Variants in GNG12 observed in about 807,000 individuals in gnomAD.
GNG12 encodes the protein G protein subunit gamma 12, also known as guanine nucleotide-binding protein G(I)/G(S)/G(O) subunit gamma-12.
For missense variants in GNG12, 69 were observed against 83.8 expected (o/e 0.82, Z 0.69); for synonymous variants, 28 against 29.7 (o/e 0.94, Z 0.19).
chr1:67,739,364 C>T (rs1008703087), intron 2 of GNG12, among the ~76,000 whole-genome samples: 1 of 152,180 alleles, frequency 6.6e-6, no homozygotes, highest in African/African-American at 2.4e-5. Context: ...TCCTCTCCCT[C>T]AAGGTGATAT....
At chr1:67,730,498 C>T (rs1256606636) in intron 2 of GNG12, among the ~76,000 whole-genome samples, 1 of 152,052 alleles carries the variant, frequency 6.6e-6, no homozygotes, top group Non-Finnish European at 1.5e-5. Context: ...GAGCAAGACG[C>T]CACCCCCCAA....
At chr1:67,760,275 T>A (rs1471577651) in intron 2 of GNG12, among the ~76,000 whole-genome samples, 2 of 152,198 alleles carry the variant, frequency 1.3e-5, no homozygotes, top group African/African-American at 4.8e-5. Flanking sequence ...CCTGGGCAAC[T>A]CCCTGAGTTT....
At chr1:67,765,919 T>C (rs138582451) in intron 2 of GNG12, among the ~76,000 whole-genome samples, 3 of 152,156 alleles carry the variant, frequency 2.0e-5, no homozygotes, top group Admixed American at 2.0e-4. Flanking sequence ...AGACTAACAA[T>C]GATTTGTTGT....
intron 2 of GNG12, among the ~76,000 whole-genome samples, chr1:67,750,151 C>T (rs535438162): frequency 5.3e-5 from 8 of 152,324 alleles, no homozygotes; most frequent in South Asian, 2.1e-4. Flanking sequence ...GGTAATACCA[C>T]ATGCCATTTG....
intron 2 of GNG12, among the ~76,000 whole-genome samples, chr1:67,762,443 T>C (rs1646611086): frequency 6.6e-6 from 1 of 152,190 alleles, no homozygotes; most frequent in African/African-American, 2.4e-5. Context: ...ATCTCATTTA[T>C]AATCCTGCCC....
At chr1:67,731,904 G>A (rs966383602) in intron 2 of GNG12, among the ~76,000 whole-genome samples, 12 of 152,030 alleles carry the variant, frequency 7.9e-5, no homozygotes, top group African/African-American at 2.4e-4. Flanking sequence ...AACTTGACTT[G>A]GCCTAATGGA....
intron 1 of GNG12, among the ~76,000 whole-genome samples, chr1:67,790,491 A>G (rs1358493240): frequency 6.6e-6 from 1 of 152,204 alleles, no homozygotes; most frequent in Admixed American, 6.5e-5. Context: ...TCTATCTGTC[A>G]AATCAGCCAC....
intron 1 of GNG12, among the ~76,000 whole-genome samples, chr1:67,820,596 T>C (rs1192242342): frequency 6.6e-6 from 1 of 152,190 alleles, no homozygotes. Context: ...CAATGTGGTA[T>C]TACCAGAGGC....
chr1:67,738,637 C>T (rs994601066), intron 2 of GNG12, among the ~76,000 whole-genome samples: 2 of 152,180 alleles, frequency 1.3e-5, no homozygotes, highest in African/African-American at 4.8e-5. Flanking sequence ...AATCCCGGCA[C>T]TCTGGGAGGC....
At chr1:67,734,108 G>A (rs2100703311) in intron 2 of GNG12, among the ~76,000 whole-genome samples, 1 of 152,092 alleles carries the variant, frequency 6.6e-6, no homozygotes, top group Middle Eastern at 3.4e-3. Context: ...ACAGTGTGTG[G>A]CTAACCCTGA....
chr1:67,783,538 C>T (rs1322961376), intron 1 of GNG12, among the ~76,000 whole-genome samples: 1 of 152,028 alleles, frequency 6.6e-6, no homozygotes, highest in African/African-American at 2.4e-5. Flanking sequence ...AGGCAACCTA[C>T]AAAATGGGAG....
At chr1:67,813,265 C>G (rs2100811761) in intron 1 of GNG12, among the ~76,000 whole-genome samples, 1 of 152,302 alleles carries the variant, frequency 6.6e-6, no homozygotes, top group East Asian at 1.9e-4. Context: ...AAAAATTTCT[C>G]TAAATATTTA....
At chr1:67,765,673 G>A (rs1646631775) in intron 2 of GNG12, among the ~76,000 whole-genome samples, 1 of 152,200 alleles carries the variant, frequency 6.6e-6, no homozygotes, top group African/African-American at 2.4e-5. Context: ...GGAAGCAGTA[G>A]TGAAATAACT....
At chr1:67,733,390 C>T (rs982886355) in intron 2 of GNG12, among the ~76,000 whole-genome samples, 1 of 152,076 alleles carries the variant, frequency 6.6e-6, no homozygotes, top group Non-Finnish European at 1.5e-5. Context: ...TTCTTTCAAA[C>T]TTCCATATCC....
rs1553157545 is a variant in GNG12 at position 67,766,102 on chromosome 1, A to ACACG, written c.-27+11352_-27+11355dup. On this transcript the variant is annotated intron_variant, in intron 2 of 3. Transcript: ENST00000370982. ...CAAAAACTCAAACAAAACAAGGCAC[A>ACACG]CACGCACACACACACACACACACAC... 5.1e-3 allele frequency among the ~76,000 whole-genome samples: 680 copies of ACACG among 132,892 alleles called. 6 individuals are homozygous for ACACG. The highest frequency in any genetic ancestry group is 0.021 in the African/African-American group (660 of 31,598). 87.2% of individuals were successfully genotyped at this position (132,892 alleles called of 152,430 possible).
rs545547218 is a variant in GNG12, at chr1:67,734,447, C to T, written c.-26-26735G>A. ...ACAACGGTGTTCCAGGTCCTTTAGA[C>T]GCACTAATTTACCCCTCACAGTCAC... On this transcript the variant is annotated intron_variant, in intron 2 of 3. Transcript: ENST00000370982. 2.4e-4 allele frequency among the ~76,000 whole-genome samples: 37 copies of T among 152,306 alleles called. 1 individual carries two copies. Among genetic ancestry groups the T allele is most frequent in the Admixed American group, 1.2e-3 (19 of 15,302 alleles).
At chr1:67,805,504 AAGAC>A (rs1646889942) in intron 1 of GNG12, among the ~76,000 whole-genome samples, 1 of 152,210 alleles carries the variant, frequency 6.6e-6, no homozygotes, top group Admixed American at 6.5e-5. Flanking sequence ...AGAATTTTAA[AAGAC>A]AGAAATAAAG....
rs1308582184 is a variant in GNG12 at position 67,705,237 on chromosome 1, G to A, written c.*214C>T. ...CAACATAAAGCCATAGTTACCAAGT[G>A]GAAAATAAGATTGTTATTCTGTATT... On this transcript the variant is annotated 3_prime_UTR_variant, in exon 4 of 4. Coordinates refer to ENST00000370982, the MANE Select transcript of GNG12 (RefSeq NM_018841.6). 1 of 564,208 alleles carries A rather than the reference G, an allele frequency of 1.8e-6. No individual in the cohort carries two copies. The highest frequency in any genetic ancestry group is 2.6e-6 in the Non-Finnish European group (1 of 382,928). The allele number at this position is 564,208 out of a possible 1,614,324, so 35.0% of individuals were successfully genotyped here.
chr1:67,810,824 A>G (rs1646920432), intron 1 of GNG12, among the ~76,000 whole-genome samples: 1 of 152,196 alleles, frequency 6.6e-6, no homozygotes, highest in Admixed American at 6.5e-5. Flanking sequence ...CTGATGAGTT[A>G]CTGAAACTCA....
Sources: allele counts gnomAD v4.1 joint callset (sites outside exome capture counted in the v4.1 genomes callset), GRCh38; gene constraint gnomAD v4.1.1; transcripts MANE v1.5; gene names NCBI Gene and HGNC (gene_info 2026-07-23, HGNC 2026-07-21).